The following STOX1 variants were observed in gnomAD, a reference collection of about 807,000 sequenced individuals.
STOX1 encodes storkhead box 1, also known as storkhead-box protein 1.
STOX1 carries 57 observed loss-of-function variants against 74.8 expected under a neutral mutation model. That is an observed-to-expected ratio of 0.76 (90% CI 0.62 to 0.95). STOX1 has a LOEUF of 0.95. STOX1 is among the 40% of genes least tolerant of loss of function. The pLI is 0.00. For synonymous variants in STOX1, 375 were observed against 401.3 expected, an observed-to-expected ratio of 0.93 and a Z score of 0.78; for missense variants, 1,010 against 1,117.0, an observed-to-expected ratio of 0.90 and a Z score of 1.37.
chr10:68,857,246 A>G (rs1840150310), intron 1 of STOX1, among the ~76,000 whole-genome samples: 1 of 151,818 alleles, frequency 6.6e-6, no homozygotes, highest in African/African-American at 2.4e-5. Flanking sequence ...CTCCAGCCGT[A>G]GTGGTCAGAC....
intron 1 of STOX1, among the ~76,000 whole-genome samples, chr10:68,833,800 A>C (rs936050268): frequency 3.9e-5 from 6 of 152,186 alleles, no homozygotes; most frequent in African/African-American, 1.4e-4. Context: ...AAAACATTAT[A>C]AAACAATATG....
At chr10:68,882,719 G>A (rs568404835) in intron 2 of STOX1, among the ~76,000 whole-genome samples, 8 of 152,010 alleles carry the variant, frequency 5.3e-5, no homozygotes, top group Non-Finnish European at 8.8e-5. Context: ...GGCTGGTCTC[G>A]AACTCCTGAC....
At chr10:68,838,563 A>G (rs1839616106) in intron 1 of STOX1, among the ~76,000 whole-genome samples, 1 of 151,932 alleles carries the variant, frequency 6.6e-6, no homozygotes, top group Non-Finnish European at 1.5e-5. Context: ...GATGTCTTTT[A>G]TTTGTTTTTC....
intron 1 of STOX1, among the ~76,000 whole-genome samples, chr10:68,867,255 CT>C: frequency 6.6e-6 from 1 of 152,018 alleles, no homozygotes; most frequent in Non-Finnish European, 1.5e-5. Flanking sequence ...CAATGCTTTC[CT>C]TTTTTACACT....
chr10:68,880,584 A>G (rs899012030), intron 1 of STOX1, among the ~76,000 whole-genome samples: 4 of 151,300 alleles, frequency 2.6e-5, no homozygotes, highest in Non-Finnish European at 5.9e-5. Context: ...GTTGACCACT[A>G]TTTTTTTGAA....
intron 1 of STOX1, among the ~76,000 whole-genome samples, chr10:68,881,239 C>A (rs1840807239): frequency 6.6e-6 from 1 of 152,128 alleles, no homozygotes; most frequent in African/African-American, 2.4e-5. Flanking sequence ...AATAGACTGG[C>A]TAGGAGGAAA....
rs1349085197 is a variant in STOX1, at chr10:68,886,368, T to C, written c.2572T>C (p.Tyr858His). The C allele has an allele frequency of 1.2e-6, 2 of 1,614,068 alleles. No individual in the cohort carries two copies. The highest frequency in any genetic ancestry group is 1.7e-6 in the Non-Finnish European group (2 of 1,180,040). The change falls in exon 3 of 4, where the codon TAT (tyrosine) becomes CAT (histidine). Residue 858 changes from tyrosine to histidine, a missense_variant. By Grantham distance (83) the Tyr-to-His change is moderately conservative. Coordinates refer to ENST00000298596, the MANE Select transcript of STOX1 (RefSeq NM_152709.5). ...APADERIFDY[Y>H]SARKASFEAE... ...TGCTGATGAAAGAATCTTTGATTAC[T>C]ATAGCGCAAGAAAAGCCAGTTTTGA...
chr10:68,851,668 C>T (rs571565391), intron 1 of STOX1, among the ~76,000 whole-genome samples: 1 of 151,984 alleles, frequency 6.6e-6, no homozygotes, highest in Non-Finnish European at 1.5e-5. Flanking sequence ...TGGTGAAACC[C>T]TGTCTCTATT....
Position 68,886,277 on chromosome 10 carries a change from G to A in STOX1, c.2481G>A (p.Gly827=), listed in dbSNP as rs1840953765. ...CTGAAAGTTGTGGCCTAAATTCAGGGGCCCAGTTTGGTTTTAACTACGAAG... is the reference window on the plus strand; with the variant it reads ...CTGAAAGTTGTGGCCTAAATTCAGGAGCCCAGTTTGGTTTTAACTACGAAG... The part of the protein sequence containing the change: ...LSAESCGLNS[G]AQFGFNYEEE... The change falls in exon 3 of 4, where the codon GGG becomes GGA. Residue 827 remains glycine, a synonymous_variant. Coordinates refer to ENST00000298596, the MANE Select transcript of STOX1 (RefSeq NM_152709.5). The A allele has an allele frequency of 3.7e-6, 6 of 1,614,084 alleles. No homozygotes were observed. The highest frequency in any genetic ancestry group is 5.1e-6 in the Non-Finnish European group (6 of 1,180,020).
At chr10:68,841,914 G>A (rs1459149003) in intron 1 of STOX1, among the ~76,000 whole-genome samples, 1 of 152,060 alleles carries the variant, frequency 6.6e-6, no homozygotes, top group Non-Finnish European at 1.5e-5. Flanking sequence ...ATGAGCCCAG[G>A]GCCCACCTTA....
At chr10:68,828,353 G>A in intron 1 of STOX1, 1 of 1,002,762 alleles carries the variant, frequency 1.0e-6, no homozygotes, top group Non-Finnish European at 1.2e-6. Flanking sequence ...GCGCGGCCCC[G>A]TCTTCTGCCA....
chr10:68,836,887 A>G (rs1225789488), intron 1 of STOX1, among the ~76,000 whole-genome samples: 4 of 152,182 alleles, frequency 2.6e-5, no homozygotes, highest in East Asian at 3.8e-4. Context: ...TTTTCCACAA[A>G]CAGGGGAAGT....
At chr10:68,879,672 C>T (rs1384550041) in intron 1 of STOX1, among the ~76,000 whole-genome samples, 2 of 152,144 alleles carry the variant, frequency 1.3e-5, no homozygotes, top group Non-Finnish European at 1.5e-5. Context: ...TCTATTTCTC[C>T]TTATTCACCA....
At chr10:68,869,437 A>C (rs1840486233) in intron 1 of STOX1, among the ~76,000 whole-genome samples, 1 of 152,240 alleles carries the variant, frequency 6.6e-6, no homozygotes, top group Admixed American at 6.5e-5. Context: ...CATATGAAGA[A>C]GGAGAATATA....
intron 1 of STOX1, among the ~76,000 whole-genome samples, chr10:68,843,611 G>T (rs369320886): frequency 8.4e-4 from 128 of 152,070 alleles, no homozygotes; most frequent in African/African-American, 2.9e-3. Flanking sequence ...AGCGACCTCG[G>T]CTCACTGCAA....
intron 3 of STOX1, among the ~76,000 whole-genome samples, chr10:68,888,627 A>ATTTTTTTTTTTTTTTTTT (rs747038041): frequency 9.3e-6 from 1 of 107,832 alleles, no homozygotes. Flanking sequence ...CTTTGCCAGT[A>ATTTTTTTTTTTTTTTTTT]TTTTTTTTTT....
Position 68,885,270 on chromosome 10 carries a change from C to A in STOX1, c.1474C>A (p.Arg492=), listed in dbSNP as rs143416483. ...AGGTTCCCATTTGATTTACAAAAAG[C>A]GAATCAGTAATCCTTTCCAGGGTTT... ...VLGSHLIYKK[R]ISNPFQGLSH... The change falls in exon 3 of 4, where the codon CGA becomes AGA. Residue 492 remains arginine (R), a synonymous_variant. Transcript: ENST00000298596. 38 of 1,614,024 alleles carry A rather than the reference C, an allele frequency of 2.4e-5. No homozygotes were observed. The highest frequency in any genetic ancestry group is 3.1e-5 in the Non-Finnish European group (36 of 1,180,030).
chr10:68,878,154 G>A (rs946443956), intron 1 of STOX1, among the ~76,000 whole-genome samples: 2 of 152,192 alleles, frequency 1.3e-5, no homozygotes, highest in African/African-American at 4.8e-5. Flanking sequence ...TAGGGAGGTA[G>A]GGAAGAGAGA....
chr10:68,830,328 A>G (rs186066071), intron 1 of STOX1, among the ~76,000 whole-genome samples: 8 of 151,980 alleles, frequency 5.3e-5, no homozygotes, highest in Non-Finnish European at 7.4e-5. Context: ...AGGTTTTCAA[A>G]TTTTGTTTTT....
Sources: allele counts gnomAD v4.1 joint callset (sites outside exome capture counted in the v4.1 genomes callset), GRCh38; gene constraint gnomAD v4.1.1; transcripts MANE v1.5; gene names NCBI Gene and HGNC (gene_info 2026-07-23, HGNC 2026-07-21).